AK3: variants seen among roughly 807,000 people sequenced by gnomAD.
The protein encoded by AK3 is adenylate kinase 3.
In AK3, 27 loss-of-function variants were observed where a neutral mutation model predicts 23.7. That is an observed-to-expected ratio of 1.14 (90% CI 0.84 to 1.57). The LOEUF (loss-of-function observed/expected upper bound fraction) is 1.57, where lower values mean the gene tolerates loss of function less well. Among genes scored for constraint, AK3 ranks in the 40% most tolerant of loss-of-function variants. AK3 has a pLI of 0.00. For synonymous variants in AK3, 159 were observed against 116.0 expected (o/e 1.37, Z -2.38); for missense variants, 406 against 285.6 (o/e 1.42, Z -3.04).
intron 4 of AK3, among the ~76,000 whole-genome samples, chr9:4,713,784 T>C (rs1841624894): frequency 6.6e-6 from 1 of 152,112 alleles, no homozygotes. Context: ...TTCCTGTGGA[T>C]AACATGGTGA....
intron 1 of AK3, among the ~76,000 whole-genome samples, chr9:4,738,194 C>T (rs2130916908): frequency 6.6e-6 from 1 of 152,196 alleles, no homozygotes; most frequent in East Asian, 1.9e-4. Flanking sequence ...AGACAGAGTT[C>T]CGCTCTTTTC....
At chr9:4,719,982 T>G (rs1297660129) in intron 2 of AK3, among the ~76,000 whole-genome samples, 1 of 152,120 alleles carries the variant, frequency 6.6e-6, no homozygotes, top group South Asian at 2.1e-4. Flanking sequence ...GAGAATCGCT[T>G]GAACCCGGGA....
intron 1 of AK3, among the ~76,000 whole-genome samples, chr9:4,722,935 A>C (rs1362866352): frequency 2.0e-5 from 3 of 152,160 alleles, no homozygotes; most frequent in Non-Finnish European, 2.9e-5. Context: ...GGGTGCCTGT[A>C]ATCCCAGCTA....
Position 4,719,206 on chromosome 9 carries a change from G to T in AK3, c.373C>A (p.Leu125Ile). 17 of 1,611,932 alleles carry T rather than the reference G, an allele frequency of 1.1e-5. No homozygotes were observed. Among genetic ancestry groups the T allele is most frequent in the Non-Finnish European group, 1.4e-5 (16 of 1,179,836 alleles). Reference sequence around the variant, plus strand: ...GCGGGATGAATCCAGCGAGCAGTAAGGCGTTGTTTAATGACCTCAAAGGGC... The same window carrying T: ...GCGGGATGAATCCAGCGAGCAGTAATGCGTTGTTTAATGACCTCAAAGGGC... ...NVPFEVIKQR[L>I]TARWIHPASG... The change falls in exon 3 of 5, where the codon CTT becomes ATT. Residue 125 changes from leucine to isoleucine, a missense_variant. Coordinates refer to ENST00000381809, the MANE Select transcript of AK3 (RefSeq NM_016282.4).
chr9:4,711,922 A>AT lies in AK3; in HGVS notation c.*1053dup, dbSNP rs1293895169. On this transcript the variant is annotated 3_prime_UTR_variant, in exon 5 of 5. Transcript: ENST00000381809. ...TTAACCTATCATGTAAATTCTTTTTATTGGTACACCTGTTTACTAATTATG... is the reference window on the plus strand; with the variant it reads ...TTAACCTATCATGTAAATTCTTTTTATTTGGTACACCTGTTTACTAATTATG... The AT allele has an allele frequency of 6.6e-6, 1 of 152,202 alleles. No homozygotes were observed. The highest frequency in any genetic ancestry group is 1.5e-5 in the Non-Finnish European group (1 of 68,010). 9.4% of individuals were successfully genotyped at this position (152,202 alleles called of 1,614,324 possible). A position where few individuals can be genotyped will look rare whatever the true frequency, so the allele number is the denominator to read the frequency against.
rs1841796866 is a variant in AK3 at position 4,718,463 on chromosome 9, T to TA, written c.518dup (p.Ala175GlyfsTer3). 6.2e-7 allele frequency: 1 copy of TA among 1,613,358 alleles called. No individual in the cohort carries two copies. The highest frequency in any genetic ancestry group is 8.5e-7 in the Non-Finnish European group (1 of 1,179,838). ...GCTTTGTTTGGTCTTCATAAGCCTTTAGTCTCTTGATAACCGTCTCTGGTT... is the reference window on the plus strand; with the variant it reads ...GCTTTGTTTGGTCTTCATAAGCCTTTAAGTCTCTTGATAACCGTCTCTGGTT... On this transcript the variant is annotated frameshift_variant, in exon 4 of 5. Coordinates refer to ENST00000381809, the MANE Select transcript of AK3 (RefSeq NM_016282.4). LOFTEE classifies it high-confidence loss of function.
At chr9:4,733,029 G>A (rs1018314359) in intron 1 of AK3, among the ~76,000 whole-genome samples, 20 of 151,372 alleles carry the variant, frequency 1.3e-4, no homozygotes, top group African/African-American at 4.6e-4. Context: ...TTTATTTTTT[G>A]TAGAGATAGG....
intron 1 of AK3, among the ~76,000 whole-genome samples, chr9:4,728,426 C>T (rs1384210403): frequency 3.3e-5 from 5 of 152,012 alleles, no homozygotes; most frequent in African/African-American, 1.2e-4. Flanking sequence ...CAAAAATTAG[C>T]TGGGTGTGGT....
chr9:4,741,469 C>T (rs978874969), upstream of AK3, among the ~76,000 whole-genome samples: 1 of 152,026 alleles, frequency 6.6e-6, no homozygotes, highest in Admixed American at 6.5e-5. Flanking sequence ...TGCACCCACC[C>T]CCACGCGCCC....
At chr9:4,718,204 C>G (rs541374824) in intron 4 of AK3, among the ~76,000 whole-genome samples, 5 of 152,330 alleles carry the variant, frequency 3.3e-5, no homozygotes, top group African/African-American at 1.2e-4. Flanking sequence ...AAGGCAAAAC[C>G]AAGAGAACGG....
At position 4,740,968 on chromosome 9, in the gene AK3, G is replaced by A. The variant is rs1267674599; in HGVS notation, c.120C>T (p.Asp40=). 1.3e-6 allele frequency: 2 copies of A among 1,583,818 alleles called. No homozygotes were observed. Among genetic ancestry groups the A allele is most frequent in the East Asian group, 2.4e-5 (1 of 40,832 alleles). The part of the protein sequence containing the change: ...HFELKHLSSG[D]LLRDNMLRGT... ...CCCGCAGCATGTTGTCCCGGAGCAG[G>A]TCCCCGCTGGAGAGGTGCTTCAGCT... The change falls in exon 1 of 5, where the codon GAC becomes GAT. Residue 40 remains aspartate, a synonymous_variant. Coordinates refer to ENST00000381809, the MANE Select transcript of AK3 (RefSeq NM_016282.4).
intron 1 of AK3, among the ~76,000 whole-genome samples, chr9:4,727,317 T>C (rs996494959): frequency 2.0e-5 from 3 of 152,240 alleles, no homozygotes; most frequent in Non-Finnish European, 2.9e-5. Flanking sequence ...CTTTTTCCAA[T>C]AGAAGGCTGT....
chr9:4,725,169 G>A (rs1335850059), intron 1 of AK3, among the ~76,000 whole-genome samples: 1 of 151,702 alleles, frequency 6.6e-6, no homozygotes, highest in African/African-American at 2.4e-5. Flanking sequence ...GATTACAGGT[G>A]CCCACCACCA....
chr9:4,714,706 C>G (rs530895811), intron 4 of AK3, among the ~76,000 whole-genome samples: 48 of 152,292 alleles, frequency 3.2e-4, no homozygotes, highest in African/African-American at 1.1e-3. Context: ...CCAGCTTCAA[C>G]AATTGGTCCT....
At chr9:4,718,198 C>T (rs1346051072) in intron 4 of AK3, among the ~76,000 whole-genome samples, 1 of 152,228 alleles carries the variant, frequency 6.6e-6, no homozygotes, top group African/African-American at 2.4e-5. Flanking sequence ...CACAGGAAGG[C>T]AAAACCAAGA....
rs1841798554 is a variant in AK3 at position 4,718,502 on chromosome 9, C to T, written c.480G>A (p.Gln160=). The change falls in exon 4 of 5, where the codon CAG becomes CAA. Residue 160 remains glutamine (Q), a synonymous_variant. Transcript: ENST00000381809. Reference sequence around the variant, plus strand: ...CCGTCTCTGGTTTATCATCCTCACGCTGAATGAGAGGCTCCCCAGTCAGGT... The same window carrying T: ...CCGTCTCTGGTTTATCATCCTCACGTTGAATGAGAGGCTCCCCAGTCAGGT... The part of the protein sequence containing the change: ...IDDLTGEPLI[Q]REDDKPETVI... 1 of 1,613,702 alleles carries T rather than the reference C, an allele frequency of 6.2e-7. No individual in the cohort carries two copies. The highest frequency in any genetic ancestry group is 1.3e-5 in the African/African-American group (1 of 74,900).
At chr9:4,741,423 A>C (rs1349106508), upstream of AK3, 1 of 226,336 alleles carries the variant, frequency 4.4e-6, no homozygotes, top group Admixed American at 5.9e-5. Context: ...GCCCCTCTCC[A>C]CCGGCCGCTG....
intron 1 of AK3, 78 bp downstream of exon 1, chr9:4,740,859 T>G (rs1842412781): frequency 1.5e-5 from 21 of 1,362,122 alleles, no homozygotes; most frequent in Non-Finnish European, 2.0e-5. Context: ...GGGACCCGCG[T>G]GCCCAGCTTC....
At chr9:4,718,348 A>G in intron 4 of AK3, 71 bp downstream of exon 4, 3 of 1,127,370 alleles carry the variant, frequency 2.7e-6, no homozygotes, top group Non-Finnish European at 4.0e-6. Context: ...TTTCAGCTGT[A>G]GAGGAAGGAA....
Sources: allele counts gnomAD v4.1 joint callset (sites outside exome capture counted in the v4.1 genomes callset), GRCh38; gene constraint gnomAD v4.1.1; transcripts MANE v1.5; gene names NCBI Gene and HGNC (gene_info 2026-07-23, HGNC 2026-07-21).